LRRC53: variants seen among roughly 807,000 people sequenced by gnomAD.
LRRC53 encodes leucine-rich repeat-containing protein 53.
Under a neutral mutation model 13.6 loss-of-function variants are expected in LRRC53, and 25 were observed. That is an observed-to-expected ratio of 1.83 (90% confidence interval 1.34 to 2.56). The LOEUF (loss-of-function observed/expected upper bound fraction) is 2.56, where lower values mean the gene tolerates loss of function less well. Ranked by LOEUF, LRRC53 falls within the 30% of genes most tolerant of loss-of-function variation. LRRC53 has a pLI of 0.00. For missense variants in LRRC53, 527 were observed against 275.8 expected (o/e 1.91, Z -6.45); for synonymous variants, 204 against 109.8 (o/e 1.86, Z -5.37).
At chr1:74,510,021 A>G (rs1670104871) in intron 1 of LRRC53, among the ~76,000 whole-genome samples, 1 of 152,078 alleles carries the variant, frequency 6.6e-6, no homozygotes, top group South Asian at 2.1e-4. Context: ...GTGTGAGCCT[A>G]TGCGCCCAGC....
upstream of LRRC53, among the ~76,000 whole-genome samples, chr1:74,515,898 C>G (rs1292806677): frequency 6.6e-6 from 1 of 152,166 alleles, no homozygotes; most frequent in African/African-American, 2.4e-5. Context: ...ACCTAATGCC[C>G]CATAGTGCCA....
upstream of LRRC53, among the ~76,000 whole-genome samples, chr1:74,516,000 G>A (rs535963232): frequency 5.7e-4 from 87 of 152,294 alleles, no homozygotes; most frequent in Admixed American, 3.1e-3. Context: ...GGAGAGAGTA[G>A]TACTGATGTC....
chr1:74,519,019 C>T, the LRRC53 span, among the ~76,000 whole-genome samples: 1 of 113,710 alleles, frequency 8.8e-6, no homozygotes, highest in Admixed American at 8.6e-5. Context: ...TCTCCCAATG[C>T]TATCCCTTCC....
chr1:74,509,569 T>C (rs1670073332), intron 1 of LRRC53, among the ~76,000 whole-genome samples: 1 of 152,032 alleles, frequency 6.6e-6, no homozygotes, highest in Admixed American at 6.6e-5. Context: ...TTTTATCAGA[T>C]TAACATAGAG....
chr1:74,534,772 C>T, the LRRC53 span, among the ~76,000 whole-genome samples: 3 of 152,048 alleles, frequency 2.0e-5, no homozygotes, highest in Admixed American at 2.0e-4. Context: ...TCTGGATTTC[C>T]TAGTGCCAGC....
chr1:74,534,629 T>G, the LRRC53 span, among the ~76,000 whole-genome samples: 1 of 152,192 alleles, frequency 6.6e-6, no homozygotes, highest in East Asian at 1.9e-4. Flanking sequence ...GTATTTCTTC[T>G]TGGGACTTGC....
In LRRC53 at chr1:74,480,752, G is replaced by A. The variant is rs749386359; in HGVS notation, c.305C>T (p.Thr102Ile). Residue 102 changes from threonine (T) to isoleucine (I), a missense_variant, in exon 3 of 5, where the codon ACC becomes ATC. Physicochemically the swap from Thr to Ile is moderately conservative, Grantham distance 89. Transcript: ENST00000294635. ...QISSSSLTDH[T>I]FSKLHSLQVL... Reference sequence around the variant, plus strand: ...CTGCAGGCTGTGAAGCTTGCTGAAGGTGTGATCAGTGAGCGAAGAGCTGGA... The same window carrying A: ...CTGCAGGCTGTGAAGCTTGCTGAAGATGTGATCAGTGAGCGAAGAGCTGGA... 1 of 717,508 alleles carries A rather than the reference G, an allele frequency of 1.4e-6. No homozygotes were observed. The highest frequency in any genetic ancestry group is 1.5e-5 in the South Asian group (1 of 67,588). The allele number at this position is 717,508 out of a possible 1,614,324, so 44.4% of individuals were successfully genotyped here.
At chr1:74,502,142 GC>G (rs929561998) in intron 1 of LRRC53, among the ~76,000 whole-genome samples, 12 of 152,174 alleles carry the variant, frequency 7.9e-5, no homozygotes, top group Non-Finnish European at 1.3e-4. Flanking sequence ...GAACTTCATA[GC>G]ACTTATATTT....
chr1:74,495,498 T>C (rs1669285279), intron 1 of LRRC53, among the ~76,000 whole-genome samples: 1 of 152,230 alleles, frequency 6.6e-6, no homozygotes, highest in Non-Finnish European at 1.5e-5. Flanking sequence ...ACTTGGTGTG[T>C]AATCAGTGAA....
At chr1:74,501,387 C>A (rs866016963) in intron 1 of LRRC53, among the ~76,000 whole-genome samples, 4 of 152,174 alleles carry the variant, frequency 2.6e-5, no homozygotes, top group Non-Finnish European at 5.9e-5. Flanking sequence ...TACTTTTCTT[C>A]TTTTATTTCT....
chr1:74,491,465 C>A (rs2100302181), intron 1 of LRRC53, among the ~76,000 whole-genome samples: 1 of 152,236 alleles, frequency 6.6e-6, no homozygotes. Context: ...TGGTGTCGAT[C>A]TCTTGACCTC....
At chr1:74,524,800 A>T in the LRRC53 span, among the ~76,000 whole-genome samples, 15 of 152,056 alleles carry the variant, frequency 9.9e-5, no homozygotes, top group East Asian at 1.4e-3. Flanking sequence ...GGGCTGCCTC[A>T]TGAAGGGGGA....
upstream of LRRC53, among the ~76,000 whole-genome samples, chr1:74,517,191 T>C (rs1169438213): frequency 6.6e-6 from 1 of 152,000 alleles, no homozygotes; most frequent in African/African-American, 2.4e-5. Context: ...GGGGTAACTC[T>C]TTAAAAAAAA....
At chr1:74,503,047 T>G (rs950135840) in intron 1 of LRRC53, among the ~76,000 whole-genome samples, 1 of 152,220 alleles carries the variant, frequency 6.6e-6, no homozygotes, top group African/African-American at 2.4e-5. Context: ...GAGTACACTG[T>G]AAAATTAGGC....
chr1:74,507,402 A>G (rs956992792), intron 1 of LRRC53, among the ~76,000 whole-genome samples: 1 of 152,168 alleles, frequency 6.6e-6, no homozygotes, highest in Non-Finnish European at 1.5e-5. Flanking sequence ...TATTGTAATT[A>G]TTGATGTCTT....
chr1:74,524,075 C>G, the LRRC53 span, among the ~76,000 whole-genome samples: 1 of 152,192 alleles, frequency 6.6e-6, no homozygotes, highest in East Asian at 1.9e-4. Flanking sequence ...AAAGCATTGA[C>G]ATTTGTCAAG....
chr1:74,527,717 C>A, the LRRC53 span, among the ~76,000 whole-genome samples: 2 of 152,314 alleles, frequency 1.3e-5, no homozygotes, highest in East Asian at 1.9e-4. Flanking sequence ...GTGACATAAT[C>A]TGATTAGCAT....
At chr1:74,500,786 A>G (rs1312735129) in intron 1 of LRRC53, among the ~76,000 whole-genome samples, 1 of 151,822 alleles carries the variant, frequency 6.6e-6, no homozygotes, top group Non-Finnish European at 1.5e-5. Flanking sequence ...CTTCAGGGGG[A>G]AAATGCTATT....
chr1:74,491,961 A>G (rs1317277432), intron 1 of LRRC53: 2 of 1,304,120 alleles, frequency 1.5e-6, no homozygotes, highest in African/African-American at 2.9e-5. Flanking sequence ...CTGAAAGGAA[A>G]AGCCAGGAGC....
Sources: allele counts gnomAD v4.1 joint callset (sites outside exome capture counted in the v4.1 genomes callset), GRCh38; gene constraint gnomAD v4.1.1; transcripts MANE v1.5; gene names NCBI Gene and HGNC (gene_info 2026-07-23, HGNC 2026-07-21).